Variants in PCTP observed in about 807,000 individuals in gnomAD.
The protein encoded by PCTP is phosphatidylcholine transfer protein, also known as START domain-containing protein 2.
Under a neutral mutation model 31.0 loss-of-function variants are expected in PCTP, and 27 were observed. That is an observed-to-expected ratio of 0.87 (90% confidence interval 0.64 to 1.20). PCTP has a LOEUF of 1.20. PCTP is among the 50% of genes most tolerant of loss of function. The probability of loss-of-function intolerance (pLI) is 0.00; values close to 1 mark genes in which losing one functional copy is unlikely to be tolerated. For missense variants in PCTP, 287 were observed against 268.2 expected (o/e 1.07, Z -0.49); for synonymous variants, 108 against 101.2 (o/e 1.07, Z -0.40).
At chr17:55,833,547 G>C (rs963935409) in intron 5 of PCTP, among the ~76,000 whole-genome samples, 2 of 152,166 alleles carry the variant, frequency 1.3e-5, no homozygotes, top group African/African-American at 4.8e-5. Flanking sequence ...TTCAAAATTA[G>C]TGGTTTTCAA....
chr17:55,762,125 G>A (rs1483331318), intron 1 of PCTP, among the ~76,000 whole-genome samples: 2 of 152,148 alleles, frequency 1.3e-5, no homozygotes, highest in African/African-American at 2.4e-5. Context: ...TGGCATGATC[G>A]GATAGCAGAT....
chr17:55,813,981 G>A (rs1384385108), intron 3 of PCTP, among the ~76,000 whole-genome samples: 3 of 151,962 alleles, frequency 2.0e-5, no homozygotes, highest in African/African-American at 4.8e-5. Context: ...AGTCAAGGCT[G>A]CAGTTATGAG....
At chr17:55,841,752 A>AT (rs1219073734) in intron 5 of PCTP, among the ~76,000 whole-genome samples, 1 of 152,202 alleles carries the variant, frequency 6.6e-6, no homozygotes, top group Non-Finnish European at 1.5e-5. Context: ...TCCACAAGGA[A>AT]TTTTTAGATT....
At position 55,776,082 on chromosome 17, in the gene PCTP, C is replaced by A; in HGVS notation, c.627C>A (p.Asn209Lys). ...AAGACATGGCAAGAGCCTGTCAGAA[C>A]TACCTCAAGAAAACCTAAGAAAGAG... is the stretch of plus-strand genomic sequence containing the variant. ...FLKDMARACQ[N>K]YLKKT Residue 209 changes from asparagine to lysine, a missense_variant, in exon 6 of 6, where the codon AAC (asparagine) becomes AAA (lysine). Coordinates refer to ENST00000268896, the MANE Select transcript of PCTP (RefSeq NM_021213.4). 6.2e-7 allele frequency: 1 copy of A among 1,614,088 alleles called. No individual in the cohort carries two copies. The highest frequency in any genetic ancestry group is 1.1e-5 in the South Asian group (1 of 91,066).
At chr17:55,795,753 G>T (rs1912166058) in intron 3 of PCTP, among the ~76,000 whole-genome samples, 1 of 151,996 alleles carries the variant, frequency 6.6e-6, no homozygotes, top group African/African-American at 2.4e-5. Flanking sequence ...TGACTAAAGG[G>T]AAATAAACAA....
intron 3 of PCTP, among the ~76,000 whole-genome samples, chr17:55,819,195 A>T (rs901816325): frequency 6.6e-6 from 1 of 152,136 alleles, no homozygotes; most frequent in Non-Finnish European, 1.5e-5. Flanking sequence ...AACCACAGCT[A>T]ACATACTTAA....
At chr17:55,828,433 T>C (rs2145075192) in intron 5 of PCTP, among the ~76,000 whole-genome samples, 1 of 152,304 alleles carries the variant, frequency 6.6e-6, no homozygotes. Context: ...AACCTCTGCC[T>C]TCATCTTAAT....
At chr17:55,824,319 C>G (rs1317075323), downstream of PCTP, among the ~76,000 whole-genome samples, 3 of 151,844 alleles carry the variant, frequency 2.0e-5, no homozygotes, top group Non-Finnish European at 4.4e-5. Flanking sequence ...TAACTAGATG[C>G]AAATTTTTGG....
chr17:55,797,426 A>T lies in PCTP; in HGVS notation c.317+9772A>T, dbSNP rs536589105. On this transcript the variant is annotated intron_variant, in intron 3 of 3. Transcript: ENST00000572536. ...GCTCATACATTCTCATGGGGCTATG[A>T]AGGAAAATGTGGAATTTAGAACCTG... 3.3e-5 allele frequency among the ~76,000 whole-genome samples: 5 copies of T among 152,146 alleles called. No homozygotes were observed. In the South Asian group the frequency reaches 8.3e-4, roughly 25 times the overall value.
chr17:55,783,603 G>T (rs1387604130), intron 2 of PCTP, among the ~76,000 whole-genome samples: 3 of 152,188 alleles, frequency 2.0e-5, no homozygotes, highest in Non-Finnish European at 2.9e-5. Flanking sequence ...GGCTGGATCT[G>T]CTTTTAAGTG....
the PCTP span, among the ~76,000 whole-genome samples, chr17:55,852,586 T>G: frequency 6.6e-6 from 1 of 152,254 alleles, no homozygotes; most frequent in African/African-American, 2.4e-5. Flanking sequence ...ATTTTGGTCA[T>G]TTCTAATCAC....
intron 1 of PCTP, among the ~76,000 whole-genome samples, chr17:55,758,152 T>C (rs957759215): frequency 6.6e-5 from 10 of 152,172 alleles, no homozygotes; most frequent in Non-Finnish European, 1.3e-4. Context: ...AGAAAATAAA[T>C]GTTGGACTGA....
At chr17:55,772,075 G>C (rs1252719458) in intron 3 of PCTP, among the ~76,000 whole-genome samples, 14 of 152,188 alleles carry the variant, frequency 9.2e-5, no homozygotes, top group Admixed American at 9.2e-4. Flanking sequence ...CCTCCGTGGA[G>C]TATCAGATGA....
chr17:55,792,561 A>G (rs944462935), intron 3 of PCTP, among the ~76,000 whole-genome samples: 1 of 152,160 alleles, frequency 6.6e-6, no homozygotes, highest in Admixed American at 6.6e-5. Flanking sequence ...TAACCTTTCT[A>G]TCCCTAGTGT....
intron 5 of PCTP, among the ~76,000 whole-genome samples, chr17:55,833,899 C>T (rs1480126518): frequency 6.6e-6 from 1 of 152,190 alleles, no homozygotes; most frequent in African/African-American, 2.4e-5. Flanking sequence ...GCCTTCAAAT[C>T]CTTCACATAT....
At chr17:55,840,030 T>A (rs1204076490) in intron 5 of PCTP, among the ~76,000 whole-genome samples, 2 of 152,072 alleles carry the variant, frequency 1.3e-5, no homozygotes, top group African/African-American at 4.8e-5. Flanking sequence ...GGATGTCTTT[T>A]TATTTTTTCA....
In PCTP at chr17:55,774,790, A is replaced by C. The variant is rs1382615219; in HGVS notation, c.512-2A>C. On this transcript the variant is annotated splice_acceptor_variant, in intron 4 of 5. Coordinates refer to ENST00000268896, the MANE Select transcript of PCTP (RefSeq NM_021213.4). LOFTEE classifies it high-confidence loss of function. ...TGAATTGTCCTTTCTTTCCCTCTCT[A>C]GTTTTCATGTATTACTTCGATAACC... is the stretch of plus-strand genomic sequence containing the variant. 6.4e-7 allele frequency: 1 copy of C among 1,556,738 alleles called. No individual in the cohort carries two copies. Among genetic ancestry groups the C allele is most frequent in the African/African-American group, 1.4e-5 (1 of 70,664 alleles).
At chr17:55,786,745 C>G (rs1911761111) in intron 2 of PCTP, among the ~76,000 whole-genome samples, 1 of 152,138 alleles carries the variant, frequency 6.6e-6, no homozygotes, top group Non-Finnish European at 1.5e-5. Context: ...TTGTGGTCAT[C>G]TTGTGCAGTT....
intron 1 of PCTP, among the ~76,000 whole-genome samples, chr17:55,757,608 C>T (rs905172386): frequency 2.0e-5 from 3 of 151,928 alleles, no homozygotes; most frequent in South Asian, 2.1e-4. Context: ...ATGTGATCCA[C>T]GTTCTCATCA....
Sources: gnomAD v4.1 joint callset for allele counts (sites outside exome capture counted in the v4.1 genomes callset) on GRCh38, gnomAD v4.1.1 for gene constraint, MANE v1.5 for transcripts, NCBI Gene and HGNC (gene_info 2026-07-23, HGNC 2026-07-21) for gene names.